PLD1: variants seen among roughly 807,000 people sequenced by gnomAD.
The protein encoded by PLD1 is phospholipase D1.
A neutral mutation model predicts 137.1 loss-of-function variants in PLD1; 112 were observed. The ratio of observed to expected loss-of-function variants is 0.82; its 90% CI spans 0.70 to 0.96. PLD1 has a LOEUF of 0.96. Ranked by LOEUF, PLD1 falls within the 40% of genes least tolerant of loss-of-function variation. The pLI is 0.00. For synonymous variants in PLD1, 431 were observed against 454.7 expected, an observed-to-expected ratio of 0.95 and a Z score of 0.66; for missense variants, 1,321 against 1,342.0, an observed-to-expected ratio of 0.98 and a Z score of 0.24.
chr3:171,661,719 C>G (rs1241622355), intron 20 of PLD1, among the ~76,000 whole-genome samples: 1 of 152,204 alleles, frequency 6.6e-6, no homozygotes, highest in Non-Finnish European at 1.5e-5. Context: ...ATAGAACTTG[C>G]TTCACACTTA....
intron 1 of PLD1, among the ~76,000 whole-genome samples, chr3:171,791,510 A>G (rs1330266895): frequency 6.6e-6 from 1 of 152,174 alleles, no homozygotes; most frequent in African/African-American, 2.4e-5. Context: ...AAACTGCCTG[A>G]CACACTAGGC....
chr3:171,614,712 C>G (rs1462812446), intron 24 of PLD1, among the ~76,000 whole-genome samples: 5 of 152,186 alleles, frequency 3.3e-5, no homozygotes, highest in Admixed American at 1.3e-4. Flanking sequence ...TTTACTGTGC[C>G]CCTGGAGCCA....
rs754505506 is a variant in PLD1 at position 171,688,885 on chromosome 3, G to A, written c.1339-9C>T. On this transcript the variant is annotated splice_polypyrimidine_tract_variant and intron_variant, in intron 13 of 26. Coordinates refer to ENST00000351298, the MANE Select transcript of PLD1 (RefSeq NM_002662.5). ...TCCGGGTGTCTCATCACCTTGAGAGGGAATAATCCCCACTGATAATATGCT... is the reference window on the plus strand; with the variant it reads ...TCCGGGTGTCTCATCACCTTGAGAGAGAATAATCCCCACTGATAATATGCT... 22 of 1,601,940 alleles carry A rather than the reference G, an allele frequency of 1.4e-5. No individual in the cohort carries two copies. The highest frequency in any genetic ancestry group is 1.9e-5 in the Non-Finnish European group (22 of 1,169,306).
intron 19 of PLD1, among the ~76,000 whole-genome samples, chr3:171,673,644 T>C (rs1173583844): frequency 6.6e-6 from 1 of 152,176 alleles, no homozygotes; most frequent in East Asian, 1.9e-4. Flanking sequence ...TACCTCCAAT[T>C]GCACACGATG....
chr3:171,642,705 T>A, intron 23 of PLD1, 135 bp downstream of exon 23: 2 of 596,910 alleles, frequency 3.4e-6, no homozygotes, highest in East Asian at 5.9e-5. Flanking sequence ...ATAAATACTT[T>A]ATTACAGGTG....
chr3:171,648,610 C>T (rs955266638), intron 21 of PLD1, among the ~76,000 whole-genome samples: 5 of 151,414 alleles, frequency 3.3e-5, no homozygotes, highest in Non-Finnish European at 4.4e-5. Context: ...GCTGGAGTGC[C>T]GTGGTGCGAT....
chr3:171,744,289 C>T (rs771472915), intron 1 of PLD1, among the ~76,000 whole-genome samples: 3 of 152,218 alleles, frequency 2.0e-5, no homozygotes, highest in Non-Finnish European at 4.4e-5. Flanking sequence ...AAAAGCCATG[C>T]ACCTGCTCCT....
At chr3:171,666,456 T>G (rs1712159708) in intron 19 of PLD1, among the ~76,000 whole-genome samples, 1 of 152,254 alleles carries the variant, frequency 6.6e-6, no homozygotes, top group Non-Finnish European at 1.5e-5. Context: ...TACCTCCCAC[T>G]GGGTCCCTCC....
At position 171,612,175 on chromosome 3, in the gene PLD1, G is replaced by A; in HGVS notation, c.2882+104C>T. On this transcript the variant is annotated intron_variant, in intron 25 of 26. Transcript: ENST00000351298. This position sits in a 1 kb window ranked among gnomAD's most constrained non-coding sequence, Gnocchi z 4.1. ...TATTCTGGGACACACTGTTTTAGAT[G>A]AAGAAGAACCTAGGATGACCCATGT... is the stretch of plus-strand genomic sequence containing the variant. 1.0e-6 allele frequency: 1 copy of A among 987,498 alleles called. No individual in the cohort carries two copies. Among genetic ancestry groups the A allele is most frequent in the Non-Finnish European group, 1.5e-6 (1 of 648,236 alleles). The allele number at this position is 987,498 out of a possible 1,614,324, so 61.2% of individuals were successfully genotyped here.
intron 26 of PLD1, 51 bp downstream of exon 26, chr3:171,605,248 G>A (rs371142278): frequency 2.0e-6 from 2 of 1,006,152 alleles, no homozygotes; most frequent in East Asian, 2.4e-5. Flanking sequence ...TATGCTTTTT[G>A]TGATGAGATT....
intron 1 of PLD1, chr3:171,792,172 T>C (rs1475477148): frequency 6.1e-6 from 1 of 162,808 alleles, no homozygotes; most frequent in Non-Finnish European, 1.3e-5. Flanking sequence ...GAAGGCCCAG[T>C]GCCTAGTGAA....
intron 23 of PLD1, among the ~76,000 whole-genome samples, chr3:171,642,457 CAAAAAAAAAAAA>C (rs1230947984): frequency 3.0e-5 from 1 of 33,028 alleles, no homozygotes; most frequent in African/African-American, 1.2e-4. Flanking sequence ...AACCCAGTCT[CAAAAAAAAAAAA>C]AAAAAAAAAA....
At chr3:171,659,985 T>C (rs1215901828) in intron 20 of PLD1, among the ~76,000 whole-genome samples, 1 of 152,216 alleles carries the variant, frequency 6.6e-6, no homozygotes, top group African/African-American at 2.4e-5. Flanking sequence ...AGTTACAACA[T>C]TATCATAACA....
chr3:171,762,586 G>T (rs1043903938), intron 1 of PLD1, among the ~76,000 whole-genome samples: 5 of 152,146 alleles, frequency 3.3e-5, no homozygotes, highest in African/African-American at 9.7e-5. Context: ...GAAGGTTGCC[G>T]CTGATAAAGC....
chr3:171,653,849 G>A (rs757320450), intron 21 of PLD1: 4 of 174,164 alleles, frequency 2.3e-5, no homozygotes, highest in Non-Finnish European at 4.9e-5. Flanking sequence ...AATATTATTC[G>A]TGGTTGGTGA....
intron 23 of PLD1, among the ~76,000 whole-genome samples, chr3:171,639,848 C>CTGTA (rs3050415): frequency 9.1e-6 from 1 of 110,214 alleles, no homozygotes; most frequent in South Asian, 2.7e-4. Context: ...CTCTCTCTCT[C>CTGTA]TATATATATA....
chr3:171,794,580 T>G (rs1723353870), intron 1 of PLD1, among the ~76,000 whole-genome samples: 1 of 152,128 alleles, frequency 6.6e-6, no homozygotes, highest in Admixed American at 6.5e-5. Flanking sequence ...TTGCTAATTG[T>G]CTAGGCCTTA....
intron 21 of PLD1, 88 bp downstream of exon 21, chr3:171,659,125 C>T (rs1040120403): frequency 5.8e-6 from 5 of 866,708 alleles, no homozygotes; most frequent in Non-Finnish European, 9.8e-6. Context: ...TAGGAAATGA[C>T]AGTACTTTAA....
intron 12 of PLD1, among the ~76,000 whole-genome samples, chr3:171,695,560 T>A (rs1715607195): frequency 6.6e-6 from 1 of 152,194 alleles, no homozygotes; most frequent in African/African-American, 2.4e-5. Flanking sequence ...ACAGTAGAAA[T>A]CTTTAGGAGC....
Sources: gnomAD v4.1 joint callset for allele counts (sites outside exome capture counted in the v4.1 genomes callset) on GRCh38, gnomAD v4.1.1 for gene constraint, Gnocchi (gnomAD v3.1) non-coding constraint, MANE v1.5 for transcripts, NCBI Gene and HGNC (gene_info 2026-07-23, HGNC 2026-07-21) for gene names.